Variants in PCDHA9 observed in about 807,000 individuals in gnomAD.
PCDHA9 encodes the protein protocadherin alpha-9.
A neutral mutation model predicts 62.0 loss-of-function variants in PCDHA9; 62 were observed. The observed-to-expected ratio is 1.00, with a 90% CI of 0.81 to 1.23. The LOEUF (loss-of-function observed/expected upper bound fraction) is 1.23, where lower values mean the gene tolerates loss of function less well. Among genes scored for constraint, PCDHA9 ranks in the 50% most tolerant of loss-of-function variants. PCDHA9 has a pLI of 0.00. For missense variants in PCDHA9, 1,205 were observed against 1,249.8 expected (o/e 0.96, Z 0.54); for synonymous variants, 557 against 567.6 (o/e 0.98, Z 0.27).
At chr5:140,943,139 T>A (rs2093424349) in intron 1 of PCDHA9, among the ~76,000 whole-genome samples, 2 of 151,168 alleles carry the variant, frequency 1.3e-5, no homozygotes, top group Admixed American at 6.6e-5. Context: ...GTGCCTGTAG[T>A]CCCAGCTACT....
intron 1 of PCDHA9, among the ~76,000 whole-genome samples, chr5:140,898,790 AT>A (rs1193457354): frequency 2.6e-5 from 4 of 152,112 alleles, no homozygotes; most frequent in African/African-American, 7.2e-5. Flanking sequence ...CAGTATGGCC[AT>A]TTTCACGATA....
chr5:140,857,140 G>A, intron 1 of PCDHA9: 1 of 1,598,276 alleles, frequency 6.3e-7, no homozygotes, highest in Non-Finnish European at 8.6e-7. Context: ...ATGCTCAAGT[G>A]GGCACCGTCA....
intron 1 of PCDHA9, among the ~76,000 whole-genome samples, chr5:140,915,680 A>G (rs2077249777): frequency 6.6e-6 from 1 of 150,862 alleles, no homozygotes; most frequent in South Asian, 2.1e-4. Context: ...ATCTTGAACT[A>G]GGGGTATGGT....
chr5:140,871,292 CGT>C (rs781959716), intron 1 of PCDHA9: 2 of 1,613,890 alleles, frequency 1.2e-6, no homozygotes, highest in Non-Finnish European at 1.7e-6. Flanking sequence ...ACTGAGGGCG[CGT>C]GCGCGCCGGG....
intron 1 of PCDHA9, among the ~76,000 whole-genome samples, chr5:140,974,827 G>A (rs1356890991): frequency 6.6e-6 from 1 of 152,182 alleles, no homozygotes; most frequent in Admixed American, 6.5e-5. Flanking sequence ...GCAACATAAT[G>A]ATTATTTTAA....
At chr5:140,889,745 T>G (rs1295441616) in intron 1 of PCDHA9, among the ~76,000 whole-genome samples, 2 of 152,202 alleles carry the variant, frequency 1.3e-5, no homozygotes, top group Non-Finnish European at 2.9e-5. Flanking sequence ...CAGAGTCTAA[T>G]TTTTCTTTCC....
intron 1 of PCDHA9, chr5:140,857,381 G>A (rs1232678115): frequency 6.3e-7 from 1 of 1,598,364 alleles, no homozygotes; most frequent in Non-Finnish European, 8.6e-7. Flanking sequence ...TGTGGAGGTG[G>A]CCGACGTGAA....
In PCDHA9 at chr5:140,924,907, AAAATAAAAT is replaced by A. The variant is rs1563068988; in HGVS notation, c.2395-54038_2395-54030del. 7.1e-4 allele frequency among the ~76,000 whole-genome samples: 36 copies of A among 50,968 alleles called. 1 individual carries two copies. The highest frequency in any genetic ancestry group is 1.7e-3 in the African/African-American group (12 of 7,266). The allele number at this position is 50,968 out of a possible 152,430, so 33.4% of individuals were successfully genotyped here. ...AAGAACCTGTCTCAAAAAAAAAAAT[AAAATAAAAT>A]AAAATAAAATAAAATAAAATAAAAA... On this transcript the variant is annotated intron_variant, in intron 1 of 3. Transcript: ENST00000532602.
intron 1 of PCDHA9, chr5:140,871,680 A>G: frequency 9.0e-7 from 1 of 1,108,842 alleles, no homozygotes; most frequent in Admixed American, 3.1e-5. Flanking sequence ...AATCATATGA[A>G]TAATCTGGCT....
intron 1 of PCDHA9, chr5:140,882,290 G>A: frequency 6.2e-7 from 1 of 1,613,532 alleles, no homozygotes; most frequent in Non-Finnish European, 8.5e-7. Flanking sequence ...CTGGCAAGGA[G>A]GCCCAAGACC....
chr5:140,920,180 T>C (rs1386784105), intron 1 of PCDHA9, among the ~76,000 whole-genome samples: 1 of 152,198 alleles, frequency 6.6e-6, no homozygotes, highest in Admixed American at 6.5e-5. Context: ...ACCCAGTGTG[T>C]AGTAATTTGT....
chr5:140,849,630 G>A lies in PCDHA9; in HGVS notation c.1135G>A (p.Ala379Thr). The change falls in exon 1 of 4, where the codon GCA (alanine) becomes ACA (threonine). Residue 379 changes from alanine (A) to threonine (T), a missense_variant. Ala to Thr is a moderately conservative substitution (Grantham distance 58, BLOSUM62 0). Transcript: ENST00000532602. Reference protein sequence around the residue: ...IALISVIDLDADANGQVTCSL... With the variant: ...IALISVIDLDTDANGQVTCSL... ...CCTGATTAGTGTGATCGACCTAGAC[G>A]CAGATGCCAACGGGCAGGTTACCTG... is the stretch of plus-strand genomic sequence containing the variant. The A allele has an allele frequency of 1.9e-6, 3 of 1,598,686 alleles. No individual in the cohort carries two copies. The highest frequency in any genetic ancestry group is 2.6e-6 in the Non-Finnish European group (3 of 1,167,936).
chr5:140,853,024 G>T, intron 1 of PCDHA9: 1 of 260,054 alleles, frequency 3.8e-6, no homozygotes, highest in Non-Finnish European at 6.3e-6. Context: ...GACTACAGGC[G>T]CCTGCCACCA....
At chr5:140,906,821 G>A (rs1354317622) in intron 1 of PCDHA9, among the ~76,000 whole-genome samples, 7 of 152,220 alleles carry the variant, frequency 4.6e-5, no homozygotes, top group Non-Finnish European at 7.3e-5. Flanking sequence ...CCACTGTGGA[G>A]TAGTAGACTG....
In PCDHA9 at chr5:140,851,831, A is replaced by T. The variant is rs1171493624; in HGVS notation, c.2394+942A>T. 16 of 968,114 alleles carry T rather than the reference A, an allele frequency of 1.7e-5. 1 individual carries two copies. Among genetic ancestry groups the T allele is most frequent in the Middle Eastern group, 5.3e-4 (1 of 1,876 alleles). 60.0% of individuals were successfully genotyped at this position (968,114 alleles called of 1,614,324 possible). On this transcript the variant is annotated intron_variant, in intron 1 of 3. Transcript: ENST00000532602. ...CCATAAGACAGAAATCTGTTTTTTT[A>T]AAAATATCTTTTTCTCCTCTCAGCT...
chr5:140,868,478 A>AT (rs1444050987), intron 1 of PCDHA9: 1 of 152,364 alleles, frequency 6.6e-6, no homozygotes, highest in Admixed American at 6.5e-5. Context: ...TAAAACTTCA[A>AT]TTTTTTCTTT....
chr5:140,943,094 TA>T lies in PCDHA9; in HGVS notation c.2395-35849del, dbSNP rs546939375. Among the ~76,000 whole-genome samples, 19 of 151,404 alleles carry T rather than the reference TA, an allele frequency of 1.3e-4. No individual in the cohort carries two copies. In the East Asian group the frequency reaches 3.7e-3, roughly 29 times the overall value. On this transcript the variant is annotated intron_variant, in intron 1 of 3. Coordinates refer to ENST00000532602, the MANE Select transcript of PCDHA9 (RefSeq NM_031857.2). ...CAACATGGTGAAATCCTGCCTCTAC[TA>T]AAAAATACAAAAATTAGCCAGGTGT... is the stretch of plus-strand genomic sequence containing the variant.
intron 1 of PCDHA9, chr5:140,876,877 C>T: frequency 6.2e-7 from 1 of 1,614,138 alleles, no homozygotes; most frequent in Non-Finnish European, 8.5e-7. Context: ...GGAGAACAAC[C>T]CGCCGGGCTG....
intron 1 of PCDHA9, chr5:140,865,728 T>C (rs1052740962): frequency 5.3e-5 from 8 of 152,218 alleles, no homozygotes; most frequent in Admixed American, 4.6e-4. Flanking sequence ...AGCTGAGATG[T>C]GTATCTATTT....
Sources: allele counts gnomAD v4.1 joint callset (sites outside exome capture counted in the v4.1 genomes callset), GRCh38; gene constraint gnomAD v4.1.1; transcripts MANE v1.5; gene names NCBI Gene and HGNC (gene_info 2026-07-23, HGNC 2026-07-21).